The following TXNRD1 variants were observed in gnomAD, a reference collection of about 807,000 sequenced individuals.
TXNRD1 encodes the protein thioredoxin reductase 1.
TXNRD1 carries 57 observed loss-of-function variants against 80.3 expected under a neutral mutation model. The ratio of observed to expected loss-of-function variants is 0.71; its 90% CI spans 0.57 to 0.89. TXNRD1 has a LOEUF of 0.89. Ranked by LOEUF, TXNRD1 falls within the 40% of genes least tolerant of loss-of-function variation. TXNRD1 has a pLI of 0.00. For missense variants in TXNRD1, 730 were observed against 803.0 expected (o/e 0.91, Z 1.10); for synonymous variants, 291 against 285.2 (o/e 1.02, Z -0.20).
intron 12 of TXNRD1, among the ~76,000 whole-genome samples, chr12:104,326,663 G>C (rs905502352): frequency 6.6e-6 from 1 of 151,678 alleles, no homozygotes; most frequent in African/African-American, 2.4e-5. Flanking sequence ...ATGGGGTTTC[G>C]CCATGTTGGT....
intron 3 of TXNRD1, among the ~76,000 whole-genome samples, chr12:104,283,796 A>G (rs1199254035): frequency 6.6e-6 from 1 of 152,048 alleles, no homozygotes; most frequent in African/African-American, 2.4e-5. Flanking sequence ...CTGGAACCTG[A>G]GAGGCGGAGG....
At chr12:104,254,642 A>ATATATATATATATATAT (rs1555207862) in intron 2 of TXNRD1, among the ~76,000 whole-genome samples, 2 of 104,536 alleles carry the variant, frequency 1.9e-5, no homozygotes, top group African/African-American at 1.1e-4. Flanking sequence ...AAAAAAAAAA[A>ATATATATATATATATAT]AAATATATAT....
At chr12:104,334,475 C>T (rs1460795422) in intron 15 of TXNRD1, 143 bp downstream of exon 15, 13 of 336,398 alleles carry the variant, frequency 3.9e-5, no homozygotes, top group Non-Finnish European at 5.2e-5. Context: ...CTCCGCCTCC[C>T]GGGTTCAAGT....
intron 3 of TXNRD1, among the ~76,000 whole-genome samples, chr12:104,266,774 A>T (rs570292956): frequency 1.2e-3 from 177 of 152,160 alleles, no homozygotes; most frequent in African/African-American, 3.9e-3. Context: ...CCATCTGGCT[A>T]ACAGGGTGAA....
chr12:104,223,593 G>T (rs1214060427), intron 1 of TXNRD1, among the ~76,000 whole-genome samples: 1 of 152,178 alleles, frequency 6.6e-6, no homozygotes, highest in Non-Finnish European at 1.5e-5. Context: ...TTCCTTTCAC[G>T]GGATTCCATG....
At chr12:104,309,999 C>A in intron 4 of TXNRD1, 1 of 1,536,268 alleles carries the variant, frequency 6.5e-7, no homozygotes, top group South Asian at 1.2e-5. Context: ...ACCGCACCCC[C>A]TTCCACATCC....
intron 3 of TXNRD1, chr12:104,284,549 T>A (rs1262908313): frequency 6.6e-6 from 1 of 152,246 alleles, no homozygotes; most frequent in Non-Finnish European, 1.5e-5. Flanking sequence ...AAATTTGTTA[T>A]AGCTTAGATG....
chr12:104,217,232 G>T (rs191965478), intron 1 of TXNRD1, among the ~76,000 whole-genome samples: 17 of 150,634 alleles, frequency 1.1e-4, no homozygotes, highest in Non-Finnish European at 2.5e-4. Flanking sequence ...TGATATCTAT[G>T]TCCTTCCATT....
At position 104,349,389 on chromosome 12, in the gene TXNRD1, A is replaced by G. The variant is rs1391642386; in HGVS notation, c.*968A>G. The G allele has an allele frequency of 6.6e-6, 1 of 152,662 alleles. No homozygotes were observed. The highest frequency in any genetic ancestry group is 2.4e-5 in the African/African-American group (1 of 41,470). 9.5% of individuals were successfully genotyped at this position (152,662 alleles called of 1,614,324 possible). On this transcript the variant is annotated 3_prime_UTR_variant, in exon 17 of 17. Transcript: ENST00000525566. ...TATTTCTTTCTAAGACTACATTAGT[A>G]GGAAAATAAGTCTTTTCATGCTTAT... is the stretch of plus-strand genomic sequence containing the variant.
intron 16 of TXNRD1, 77 bp downstream of exon 16, chr12:104,339,350 G>A (rs2036247536): frequency 6.4e-7 from 1 of 1,572,860 alleles, no homozygotes; most frequent in Non-Finnish European, 8.7e-7. Context: ...CTTATACATG[G>A]CAGATGTAGG....
chr12:104,303,429 T>C (rs1054701152), intron 4 of TXNRD1, among the ~76,000 whole-genome samples: 7 of 152,188 alleles, frequency 4.6e-5, no homozygotes, highest in African/African-American at 1.7e-4. Context: ...CTCACTGCAG[T>C]ATATGATGGC....
At chr12:104,273,775 A>G (rs2033703123) in intron 3 of TXNRD1, among the ~76,000 whole-genome samples, 1 of 152,250 alleles carries the variant, frequency 6.6e-6, no homozygotes. Flanking sequence ...AGAGGATTAG[A>G]AAACCTGCCC....
At chr12:104,216,524 T>C (rs763628396) in intron 1 of TXNRD1, among the ~76,000 whole-genome samples, 1 of 152,214 alleles carries the variant, frequency 6.6e-6, no homozygotes, top group Non-Finnish European at 1.5e-5. Flanking sequence ...ATGCCAATAA[T>C]GGCTAGTGGT....
At chr12:104,269,886 A>T (rs915616876) in intron 3 of TXNRD1, among the ~76,000 whole-genome samples, 1 of 151,418 alleles carries the variant, frequency 6.6e-6, no homozygotes, top group South Asian at 2.1e-4. Flanking sequence ...CTAATTTTTA[A>T]TTTTTTTTGT....
chr12:104,330,195 AGAGAGT>A (rs2035902517), intron 13 of TXNRD1, among the ~76,000 whole-genome samples: 1 of 152,188 alleles, frequency 6.6e-6, no homozygotes, highest in East Asian at 1.9e-4. Context: ...TCCCTGTTTT[AGAGAGT>A]GAGAATTGTA....
intron 4 of TXNRD1, among the ~76,000 whole-genome samples, chr12:104,301,144 A>G (rs2034609400): frequency 1.3e-5 from 2 of 152,144 alleles, no homozygotes; most frequent in African/African-American, 4.8e-5. Flanking sequence ...AATCCCTGTA[A>G]ATGGTATTAG....
intron 4 of TXNRD1, among the ~76,000 whole-genome samples, chr12:104,291,355 CA>C (rs2034205674): frequency 6.6e-6 from 1 of 150,850 alleles, no homozygotes. Flanking sequence ...CACACGCCAC[CA>C]CACCCTGCTA....
Position 104,331,642 on chromosome 12 carries a change from G to GT in TXNRD1, c.1650+2dup. On this transcript the variant is annotated splice_donor_variant, in intron 14 of 16. Transcript: ENST00000525566. LOFTEE classifies it high-confidence loss of function. ...GAAGTTTGGGGAAGAAAATATTGAG[G>GT]TAAGTTCTTTTCCTCTTTTCTCCTA... is the stretch of plus-strand genomic sequence containing the variant. 6.3e-7 allele frequency: 1 copy of GT among 1,598,652 alleles called. No homozygotes were observed. The highest frequency in any genetic ancestry group is 8.6e-7 in the Non-Finnish European group (1 of 1,167,946).
chr12:104,310,106 T>A, intron 4 of TXNRD1: 1 of 1,492,700 alleles, frequency 6.7e-7, no homozygotes, highest in Non-Finnish European at 8.9e-7. Flanking sequence ...GCTGGTAAGT[T>A]TGGGGGCTTT....
Sources: allele counts gnomAD v4.1 joint callset (sites outside exome capture counted in the v4.1 genomes callset), GRCh38; gene constraint gnomAD v4.1.1; transcripts MANE v1.5; gene names NCBI Gene and HGNC (gene_info 2026-07-23, HGNC 2026-07-21).